Variants in PPP2R3A observed in about 807,000 individuals in gnomAD.
PPP2R3A encodes the protein protein phosphatase 2 regulatory subunit B''alpha.
A neutral mutation model predicts 106.9 loss-of-function variants in PPP2R3A; 80 were observed. That is an observed-to-expected ratio of 0.75 (90% CI 0.62 to 0.90). The LOEUF is 0.90. Among genes scored for constraint, PPP2R3A ranks in the 40% least tolerant of loss-of-function variants. PPP2R3A has a pLI of 0.00. For missense variants in PPP2R3A, 1,386 were observed against 1,350.4 expected (o/e 1.03, Z -0.41); for synonymous variants, 483 against 468.3 (o/e 1.03, Z -0.41).
At chr3:136,090,422 T>G (rs1267117321) in intron 9 of PPP2R3A, among the ~76,000 whole-genome samples, 156 bp from the exon 10 acceptor site, 1 of 152,176 alleles carries the variant, frequency 6.6e-6, no homozygotes, top group East Asian at 1.9e-4. Flanking sequence ...CCTTTGAAAA[T>G]AAGATAGGCT....
chr3:136,022,198 T>G (rs575987308), intron 2 of PPP2R3A, among the ~76,000 whole-genome samples: 3 of 152,250 alleles, frequency 2.0e-5, no homozygotes, highest in Admixed American at 2.0e-4. Flanking sequence ...TCTTTTGTCC[T>G]TTTTTTAGCC....
At chr3:136,033,787 T>G (rs754622652) in intron 3 of PPP2R3A, among the ~76,000 whole-genome samples, 2 of 152,154 alleles carry the variant, frequency 1.3e-5, no homozygotes, top group Non-Finnish European at 2.9e-5. Flanking sequence ...TTTTCTTAGT[T>G]AGTCTTGCTA....
Position 136,136,064 on chromosome 3 carries a change from AAAAAAAAAATTATATATATAT to A in PPP2R3A, c.3330-8977_3330-8957del, listed in dbSNP as rs1559940148. Among the ~76,000 whole-genome samples, 3 of 94,370 alleles carry A rather than the reference AAAAAAAAAATTATATATATAT, an allele frequency of 3.2e-5. 1 individual carries two copies. Among genetic ancestry groups the A allele is most frequent in the East Asian group, 5.6e-4 (2 of 3,564 alleles). The allele number at this position is 94,370 out of a possible 152,430, so 61.9% of individuals were successfully genotyped here. Reference sequence around the variant, plus strand: ...CCGTCTCAAAAAAAAAAAAAAAAAAAAAAAAAAAATTATATATATATATATATATAAAAAACATCATGGTTA... The same window carrying A: ...CCGTCTCAAAAAAAAAAAAAAAAAAAATATATATAAAAAACATCATGGTTA... On this transcript the variant is annotated intron_variant, in intron 13 of 13. Coordinates refer to ENST00000264977, the MANE Select transcript of PPP2R3A (RefSeq NM_002718.5).
chr3:136,014,412 T>C (rs1045942725), intron 2 of PPP2R3A, among the ~76,000 whole-genome samples: 3 of 152,184 alleles, frequency 2.0e-5, no homozygotes, highest in African/African-American at 7.2e-5. Flanking sequence ...TTTGGCAGAA[T>C]GGTCATTTTC....
At chr3:136,048,225 A>G (rs1398784180) in intron 4 of PPP2R3A, among the ~76,000 whole-genome samples, 1 of 152,182 alleles carries the variant, frequency 6.6e-6, no homozygotes, top group East Asian at 1.9e-4. Flanking sequence ...GAAGTAAGGG[A>G]AAAGGGTATT....
intron 3 of PPP2R3A, among the ~76,000 whole-genome samples, chr3:136,027,808 T>C (rs1934722905): frequency 6.6e-6 from 1 of 152,236 alleles, no homozygotes; most frequent in Non-Finnish European, 1.5e-5. Flanking sequence ...CACTTCAGGC[T>C]TTAGCAGTAG....
chr3:136,090,781 A>C (rs2107946375), intron 10 of PPP2R3A, 114 bp downstream of exon 10: 37 of 738,962 alleles, frequency 5.0e-5, no homozygotes, highest in Admixed American at 2.3e-5. Context: ...TACTAAGATG[A>C]ATTAGACTTA....
In PPP2R3A at chr3:136,088,033, A is replaced by G. The variant is rs557509236; in HGVS notation, c.2837+102A>G. 3.4e-6 allele frequency: 3 copies of G among 890,576 alleles called. No individual in the cohort carries two copies. The East Asian group carries it at 7.4e-5, about 22-fold the overall frequency. The allele number at this position is 890,576 out of a possible 1,614,324, so 55.2% of individuals were successfully genotyped here. On this transcript the variant is annotated intron_variant, in intron 9 of 13. Coordinates refer to ENST00000264977, the MANE Select transcript of PPP2R3A (RefSeq NM_002718.5). ...CTGAATAATTTGGCAGTGCTATTGG[A>G]CCAAATAATATCCTATAAAACATAG...
chr3:135,977,516 T>C (rs1222841336), intron 1 of PPP2R3A, among the ~76,000 whole-genome samples: 1 of 152,190 alleles, frequency 6.6e-6, no homozygotes, highest in South Asian at 2.1e-4. Flanking sequence ...TAATTGTTTT[T>C]AGTTGCATTT....
At chr3:135,970,861 A>G (rs990508101) in intron 1 of PPP2R3A, among the ~76,000 whole-genome samples, 2 of 152,130 alleles carry the variant, frequency 1.3e-5, no homozygotes, top group African/African-American at 4.8e-5. Context: ...TTTGGAGACT[A>G]CTTTTTACTG....
intron 4 of PPP2R3A, among the ~76,000 whole-genome samples, chr3:136,048,228 A>G (rs928408585): frequency 6.6e-6 from 1 of 152,198 alleles, no homozygotes; most frequent in Non-Finnish European, 1.5e-5. Flanking sequence ...GTAAGGGAAA[A>G]GGGTATTGTG....
intron 13 of PPP2R3A, among the ~76,000 whole-genome samples, chr3:136,131,942 C>T (rs1020494824): frequency 2.9e-5 from 4 of 137,370 alleles, no homozygotes; most frequent in African/African-American, 1.1e-4. Context: ...TGTTCTCACT[C>T]ATAGGTGGGA....
intron 3 of PPP2R3A, among the ~76,000 whole-genome samples, chr3:136,035,479 A>G (rs1935054902): frequency 2.0e-5 from 3 of 152,282 alleles, no homozygotes; most frequent in Admixed American, 2.0e-4. Context: ...TTTTCTTTAC[A>G]TATGAAGCTT....
At chr3:136,115,883 G>A (rs1937731439) in intron 13 of PPP2R3A, among the ~76,000 whole-genome samples, 1 of 151,914 alleles carries the variant, frequency 6.6e-6, no homozygotes, top group African/African-American at 2.4e-5. Flanking sequence ...TCAAATTCAG[G>A]AAATACAGAG....
chr3:136,022,956 TG>T, intron 2 of PPP2R3A: 1 of 1,533,416 alleles, frequency 6.5e-7, no homozygotes, highest in South Asian at 1.2e-5. Context: ...TTCATTTCTT[TG>T]GGAGATAAGA....
intron 13 of PPP2R3A, among the ~76,000 whole-genome samples, chr3:136,140,950 C>CT (rs1037836078): frequency 2.6e-5 from 4 of 152,186 alleles, no homozygotes; most frequent in Admixed American, 6.5e-5. Context: ...ATTCTGCACT[C>CT]TTACCATTTT....
rs558323522 is a variant in PPP2R3A, at chr3:136,027,244, A to G, written c.2262+146A>G. On this transcript the variant is annotated intron_variant, in intron 3 of 13. Coordinates refer to ENST00000264977, the MANE Select transcript of PPP2R3A (RefSeq NM_002718.5). Reference sequence around the variant, plus strand: ...GCATGGAATTGTTGTTGTTTTTCCCATAGTGATCTTCCATTTCAACCTCCT... The same window carrying G: ...GCATGGAATTGTTGTTGTTTTTCCCGTAGTGATCTTCCATTTCAACCTCCT... 1.9e-5 allele frequency: 14 copies of G among 744,272 alleles called. 1 individual carries two copies. Among genetic ancestry groups the G allele is most frequent in the African/African-American group, 1.4e-4 (8 of 55,884 alleles). The allele number at this position is 744,272 out of a possible 1,614,324, so 46.1% of individuals were successfully genotyped here.
chr3:136,053,249 A>G (rs916686747), intron 5 of PPP2R3A, among the ~76,000 whole-genome samples: 2 of 152,232 alleles, frequency 1.3e-5, no homozygotes, highest in Non-Finnish European at 2.9e-5. Context: ...GAGTTTACCC[A>G]TGTAACAAAC....
intron 2 of PPP2R3A, among the ~76,000 whole-genome samples, chr3:136,007,337 C>T (rs940550020): frequency 6.6e-6 from 1 of 152,172 alleles, no homozygotes; most frequent in Non-Finnish European, 1.5e-5. Context: ...CAAATGGAAA[C>T]CGCTCCCTTG....
Sources: gnomAD v4.1 joint callset for allele counts (sites outside exome capture counted in the v4.1 genomes callset) on GRCh38, gnomAD v4.1.1 for gene constraint, MANE v1.5 for transcripts, NCBI Gene and HGNC (gene_info 2026-07-23, HGNC 2026-07-21) for gene names.